The following PBX1 variants were observed in gnomAD, a reference collection of about 807,000 sequenced individuals.
PBX1 encodes the protein PBX homeobox 1, also known as pre-B-cell leukemia transcription factor 1.
PBX1 carries 6 observed loss-of-function variants against 53.4 expected under a neutral mutation model. The observed-to-expected ratio is 0.11, with a 90% CI of 0.06 to 0.22. The LOEUF (loss-of-function observed/expected upper bound fraction) is 0.22, where lower values mean the gene tolerates loss of function less well. Ranked by LOEUF, PBX1 falls within the 10% of genes least tolerant of loss-of-function variation. The probability of loss-of-function intolerance (pLI) is 1.00; values close to 1 mark genes in which losing one functional copy is unlikely to be tolerated. For missense variants in PBX1, 251 were observed against 551.4 expected (o/e 0.46, Z 5.46); for synonymous variants, 204 against 212.3 (o/e 0.96, Z 0.34).
chr1:164,781,587 C>T (rs1667936079), intron 2 of PBX1, among the ~76,000 whole-genome samples: 1 of 152,164 alleles, frequency 6.6e-6, no homozygotes, highest in African/African-American at 2.4e-5. Context: ...CACAGAGGCT[C>T]TTGGCTGGTT....
chr1:164,716,229 G>C (rs1664073583), intron 2 of PBX1, among the ~76,000 whole-genome samples: 1 of 152,124 alleles, frequency 6.6e-6, no homozygotes, highest in Non-Finnish European at 1.5e-5. Flanking sequence ...GCAAGGCAGT[G>C]GTGCTTTGCA....
intron 2 of PBX1, among the ~76,000 whole-genome samples, chr1:164,649,573 A>G (rs906806925): frequency 1.3e-5 from 2 of 152,168 alleles, no homozygotes; most frequent in Admixed American, 6.5e-5. Context: ...GCTTGGAGCC[A>G]TGGCCACTTG....
At chr1:164,721,216 G>C (rs1012411601) in intron 2 of PBX1, among the ~76,000 whole-genome samples, 1 of 152,332 alleles carries the variant, frequency 6.6e-6, no homozygotes, top group Admixed American at 6.5e-5. Flanking sequence ...GTCATGCTTT[G>C]TGGTGGAAAG....
chr1:164,633,336 G>A (rs1052103582), intron 2 of PBX1, among the ~76,000 whole-genome samples: 2 of 152,080 alleles, frequency 1.3e-5, no homozygotes, highest in Non-Finnish European at 2.9e-5. Flanking sequence ...TTTTAGTAGA[G>A]ATGGGGTTTC....
intron 2 of PBX1, among the ~76,000 whole-genome samples, chr1:164,565,749 CTT>C (rs111807009): frequency 5.3e-4 from 76 of 142,984 alleles, no homozygotes; most frequent in East Asian, 4.6e-3. Context: ...GTTGCAGGAG[CTT>C]TTTTTTTTTT....
intron 2 of PBX1, chr1:164,884,578 G>A (rs1216900083): frequency 1.9e-6 from 1 of 516,050 alleles, no homozygotes; most frequent in Non-Finnish European, 3.8e-6. Context: ...TGGATGCTCT[G>A]GTGGTGACAG....
chr1:164,658,589 A>G (rs1660303163), intron 2 of PBX1, among the ~76,000 whole-genome samples: 1 of 152,198 alleles, frequency 6.6e-6, no homozygotes, highest in Non-Finnish European at 1.5e-5. Context: ...TATACACAGC[A>G]TGGTGTCACA....
chr1:164,647,337 C>A (rs551323246), intron 2 of PBX1, among the ~76,000 whole-genome samples: 1 of 152,036 alleles, frequency 6.6e-6, no homozygotes, highest in Non-Finnish European at 1.5e-5. Flanking sequence ...GAGAAGAGCA[C>A]GGCAGTCCGG....
intron 2 of PBX1, among the ~76,000 whole-genome samples, chr1:164,753,619 A>G (rs763911672): frequency 2.0e-5 from 3 of 152,220 alleles, no homozygotes; most frequent in Non-Finnish European, 2.9e-5. Flanking sequence ...GGCCAGACCC[A>G]TTTGTGAGTA....
intron 2 of PBX1, among the ~76,000 whole-genome samples, chr1:164,791,096 AC>A (rs1461724145): frequency 1.3e-5 from 2 of 151,928 alleles, no homozygotes; most frequent in Non-Finnish European, 2.9e-5. Context: ...TTCCCACCCT[AC>A]CCACACATTC....
At chr1:164,750,780 G>A (rs1261721035) in intron 2 of PBX1, among the ~76,000 whole-genome samples, 1 of 152,186 alleles carries the variant, frequency 6.6e-6, no homozygotes, top group Non-Finnish European at 1.5e-5. Context: ...CAGAAAGCCT[G>A]CATTCAGATT....
At chr1:164,700,623 G>C in intron 2 of PBX1, 1 of 985,330 alleles carries the variant, frequency 1.0e-6, no homozygotes, top group Non-Finnish European at 1.2e-6. Context: ...ACAGTGCATG[G>C]TACAGAGGTA....
chr1:164,791,255 G>C (rs1213387916), intron 2 of PBX1, among the ~76,000 whole-genome samples: 1 of 152,158 alleles, frequency 6.6e-6, no homozygotes, highest in Admixed American at 6.5e-5. Flanking sequence ...TCGCTCTTCT[G>C]CTGATTTACT....
chr1:164,649,697 C>CT (rs1265354943), intron 2 of PBX1, among the ~76,000 whole-genome samples: 1 of 152,154 alleles, frequency 6.6e-6, no homozygotes, highest in Non-Finnish European at 1.5e-5. Context: ...TTCAAGTTAG[C>CT]TTTTTATTGC....
At chr1:164,872,448 C>T (rs1047235468) in intron 2 of PBX1, among the ~76,000 whole-genome samples, 1 of 152,202 alleles carries the variant, frequency 6.6e-6, no homozygotes, top group Non-Finnish European at 1.5e-5. Flanking sequence ...TGTCCTGAGC[C>T]TCCTTGAGCT....
chr1:164,849,122 A>T lies in PBX1; in HGVS notation c.*2446A>T. The T allele has an allele frequency of 7.3e-7, 1 of 1,371,674 alleles. No homozygotes were observed. The highest frequency in any genetic ancestry group is 1.8e-5 in the South Asian group (1 of 56,710). 85.0% of individuals were successfully genotyped at this position (1,371,674 alleles called of 1,614,324 possible). ...TGGTTGAATCACATTTGCTTGACTT[A>T]GGGCAAAGTACGAAAGAGAGACAAA... On this transcript the variant is annotated 3_prime_UTR_variant, in exon 9 of 9. Coordinates refer to ENST00000420696, the MANE Select transcript of PBX1 (RefSeq NM_002585.4).
intron 2 of PBX1, among the ~76,000 whole-genome samples, chr1:164,613,086 C>T (rs1348434868): frequency 6.6e-6 from 1 of 152,174 alleles, no homozygotes; most frequent in Non-Finnish European, 1.5e-5. Context: ...AATATTTTTA[C>T]AAATTATGAA....
At chr1:164,560,042 T>C in intron 1 of PBX1, 29 bp downstream of exon 1, 2 of 1,324,438 alleles carry the variant, frequency 1.5e-6, no homozygotes, top group Non-Finnish European at 1.9e-6. Context: ...TTTTCCTTTC[T>C]TGGGGTTTTT....
At chr1:164,676,081 G>A (rs1281641716) in intron 2 of PBX1, among the ~76,000 whole-genome samples, 1 of 152,088 alleles carries the variant, frequency 6.6e-6, no homozygotes, top group Non-Finnish European at 1.5e-5. Flanking sequence ...GAGGAGAGCT[G>A]GATTGAAGTA....
Sources: allele counts gnomAD v4.1 joint callset (sites outside exome capture counted in the v4.1 genomes callset), GRCh38; gene constraint gnomAD v4.1.1; transcripts MANE v1.5; gene names NCBI Gene and HGNC (gene_info 2026-07-23, HGNC 2026-07-21).